The following DLC1 variants were observed in gnomAD, a reference collection of about 807,000 sequenced individuals.
The protein encoded by DLC1 is DLC1 Rho GTPase activating protein, also known as rho GTPase-activating protein 7.
In DLC1, 54 loss-of-function variants were observed where a neutral mutation model predicts 140.3. The ratio of observed to expected loss-of-function variants is 0.38; its 90% CI spans 0.31 to 0.48. The LOEUF (loss-of-function observed/expected upper bound fraction) is 0.48, where lower values mean the gene tolerates loss of function less well. Ranked by LOEUF, DLC1 falls within the 20% of genes least tolerant of loss-of-function variation. DLC1 has a pLI of 0.96. For missense variants in DLC1, 2,536 were observed against 1,907.0 expected (o/e 1.33, Z -6.14); for synonymous variants, 986 against 728.1 (o/e 1.35, Z -5.70).
At chr8:13,535,585 T>A (rs1803248850) in intron 1 of DLC1, among the ~76,000 whole-genome samples, 2 of 150,702 alleles carry the variant, frequency 1.3e-5, no homozygotes, top group African/African-American at 4.9e-5. Flanking sequence ...GGGACATAAC[T>A]GTTGGAAAGA....
intron 4 of DLC1, among the ~76,000 whole-genome samples, chr8:13,384,641 C>G (rs1485217458): frequency 6.6e-6 from 1 of 151,962 alleles, no homozygotes; most frequent in East Asian, 1.9e-4. Flanking sequence ...CTACCTAAAA[C>G]CCTGTGTTCT....
Position 13,349,857 on chromosome 8 carries a change from A to T in DLC1, c.1314+43696T>A, listed in dbSNP as rs1563264. Among the ~76,000 whole-genome samples, 4 of 152,336 alleles carry T rather than the reference A, an allele frequency of 2.6e-5. No individual in the cohort carries two copies. In the East Asian group the frequency reaches 7.7e-4, roughly 29 times the overall value. On this transcript the variant is annotated intron_variant, in intron 4 of 17. Transcript: ENST00000276297. ...GAGGAGGAAAAAGAAAGTGAGTTGCACTTTAGATATTATGGGTTTGGAGGT... is the reference window on the plus strand; with the variant it reads ...GAGGAGGAAAAAGAAAGTGAGTTGCTCTTTAGATATTATGGGTTTGGAGGT...
At chr8:13,577,938 G>C (rs1804903228) in intron 1 of DLC1, among the ~76,000 whole-genome samples, 1 of 152,048 alleles carries the variant, frequency 6.6e-6, no homozygotes, top group African/African-American at 2.4e-5. Context: ...ATGTGCCACA[G>C]GAGGTGGGGA....
At chr8:13,413,480 CTGTG>C (rs911661033) in intron 2 of DLC1, among the ~76,000 whole-genome samples, 1 of 122,998 alleles carries the variant, frequency 8.1e-6, no homozygotes, top group Non-Finnish European at 1.9e-5. Flanking sequence ...AATTATTTCT[CTGTG>C]TGTGTGTGTG....
At chr8:13,529,515 A>G (rs891109900) in intron 1 of DLC1, among the ~76,000 whole-genome samples, 1 of 152,188 alleles carries the variant, frequency 6.6e-6, no homozygotes, top group African/African-American at 2.4e-5. Context: ...ATATCCTCTT[A>G]ACACTTAATT....
At chr8:13,395,020 A>ATCTG in intron 3 of DLC1, among the ~76,000 whole-genome samples, 1 of 87,042 alleles carries the variant, frequency 1.1e-5, no homozygotes, top group Admixed American at 1.2e-4. Context: ...CTATCTATCT[A>ATCTG]TCTATCTATC....
At chr8:13,427,108 A>G (rs1838623705) in intron 2 of DLC1, among the ~76,000 whole-genome samples, 1 of 152,074 alleles carries the variant, frequency 6.6e-6, no homozygotes, top group Admixed American at 6.5e-5. Flanking sequence ...TGTCTTTTAC[A>G]CATTTGTCTT....
At chr8:13,568,749 AAAG>A (rs1804543676) in intron 1 of DLC1, among the ~76,000 whole-genome samples, 1 of 152,224 alleles carries the variant, frequency 6.6e-6, no homozygotes, top group African/African-American at 2.4e-5. Flanking sequence ...ATGAATATTT[AAAG>A]AAGGATAGTT....
At chr8:13,117,661 A>G (rs1199294896) in intron 5 of DLC1, among the ~76,000 whole-genome samples, 1 of 152,254 alleles carries the variant, frequency 6.6e-6, no homozygotes. Flanking sequence ...ATAGATTGTT[A>G]AAAAGTAAAT....
chr8:13,453,515 CAT>C (rs1339025396), intron 2 of DLC1, among the ~76,000 whole-genome samples: 6,310 of 22,670 alleles, frequency 0.28, 700 homozygotes, highest in Middle Eastern at 0.33. Flanking sequence ...TATATATATA[CAT>C]ATATATATAT....
At chr8:13,248,526 T>C (rs17127664) in intron 5 of DLC1, among the ~76,000 whole-genome samples, 27,674 of 152,106 alleles carry the variant, frequency 0.18, 2,730 homozygotes, top group African/African-American at 0.26. Flanking sequence ...TCTAGCCTTT[T>C]GTTCATATAC....
intron 4 of DLC1, among the ~76,000 whole-genome samples, chr8:13,390,847 G>A (rs139224038): frequency 6.6e-6 from 1 of 152,082 alleles, no homozygotes; most frequent in Non-Finnish European, 1.5e-5. Flanking sequence ...AATTAGCCAG[G>A]CGTGGTGGAG....
intron 6 of DLC1, among the ~76,000 whole-genome samples, chr8:13,113,591 A>C (rs994503805): frequency 6.6e-6 from 1 of 152,250 alleles, no homozygotes; most frequent in Non-Finnish European, 1.5e-5. Flanking sequence ...AAGAAAACTT[A>C]GTTTCTAAAT....
intron 5 of DLC1, among the ~76,000 whole-genome samples, chr8:13,191,077 A>G (rs931116001): frequency 5.9e-5 from 9 of 152,216 alleles, no homozygotes; most frequent in African/African-American, 2.2e-4. Flanking sequence ...CTCCACAAGA[A>G]AATTCAAAAG....
At chr8:13,489,063 T>G (rs1342398177) in intron 2 of DLC1, among the ~76,000 whole-genome samples, 2 of 152,150 alleles carry the variant, frequency 1.3e-5, no homozygotes, top group African/African-American at 4.8e-5. Flanking sequence ...CTCTCCTGTC[T>G]CAGTCTCCCG....
intron 5 of DLC1, among the ~76,000 whole-genome samples, chr8:13,143,350 C>A (rs1050223135): frequency 1.3e-5 from 2 of 152,136 alleles, no homozygotes; most frequent in South Asian, 4.1e-4. Flanking sequence ...AGTCAATGTC[C>A]CCTTCCCCTG....
chr8:13,176,079 A>T (rs1250425605), intron 5 of DLC1, among the ~76,000 whole-genome samples: 1 of 152,246 alleles, frequency 6.6e-6, no homozygotes, highest in Non-Finnish European at 1.5e-5. Context: ...TTCTAGGATC[A>T]TGCTTTGCTT....
chr8:13,413,032 C>T (rs1183281000), intron 2 of DLC1, among the ~76,000 whole-genome samples: 1 of 151,856 alleles, frequency 6.6e-6, no homozygotes, highest in African/African-American at 2.4e-5. Context: ...TCAGCCCCCA[C>T]TCAGCACTTT....
At chr8:13,538,925 C>G (rs1339407316) in intron 1 of DLC1, among the ~76,000 whole-genome samples, 1 of 152,128 alleles carries the variant, frequency 6.6e-6, no homozygotes, top group Non-Finnish European at 1.5e-5. Flanking sequence ...TCATCTAATA[C>G]AATTTTTTCT....
Sources: allele counts gnomAD v4.1 joint callset (sites outside exome capture counted in the v4.1 genomes callset), GRCh38; gene constraint gnomAD v4.1.1; transcripts MANE v1.5; gene names NCBI Gene and HGNC (gene_info 2026-07-23, HGNC 2026-07-21).